NKAIN3: variants seen among roughly 807,000 people sequenced by gnomAD.
The protein encoded by NKAIN3 is sodium/potassium-transporting ATPase subunit beta-1-interacting protein 3.
In NKAIN3, 25 loss-of-function variants were observed where a neutral mutation model predicts 30.2. That is an observed-to-expected ratio of 0.83 (90% CI 0.60 to 1.16). The LOEUF (loss-of-function observed/expected upper bound fraction) is 1.16. Among genes scored for constraint, NKAIN3 ranks in the 50% most tolerant of loss-of-function variants. The pLI is 0.00. For missense variants in NKAIN3, 225 were observed against 254.1 expected (o/e 0.89, Z 0.78); for synonymous variants, 91 against 89.6 (o/e 1.02, Z -0.09).
chr8:62,636,559 A>G (rs1330402700), intron 3 of NKAIN3, among the ~76,000 whole-genome samples: 1 of 152,230 alleles, frequency 6.6e-6, no homozygotes, highest in Non-Finnish European at 1.5e-5. Context: ...TTGAGGTTGA[A>G]AATTCATGCC....
intron 3 of NKAIN3, among the ~76,000 whole-genome samples, chr8:62,725,430 C>G (rs1815223288): frequency 6.6e-6 from 1 of 151,994 alleles, no homozygotes; most frequent in Non-Finnish European, 1.5e-5. Context: ...TAGGGTATTA[C>G]TCAAGAAATC....
At chr8:62,307,984 A>G (rs1402350987) in intron 1 of NKAIN3, among the ~76,000 whole-genome samples, 1 of 150,218 alleles carries the variant, frequency 6.7e-6, no homozygotes, top group East Asian at 1.9e-4. Flanking sequence ...TAGGGCTTAG[A>G]GATGCTGTTT....
chr8:62,466,335 T>A (rs1458271035), intron 1 of NKAIN3, among the ~76,000 whole-genome samples: 1 of 152,178 alleles, frequency 6.6e-6, no homozygotes, highest in Non-Finnish European at 1.5e-5. Flanking sequence ...CCAATTTTTC[T>A]CCAAAATATG....
chr8:62,317,108 C>A (rs1332183098), intron 1 of NKAIN3, among the ~76,000 whole-genome samples: 1 of 152,144 alleles, frequency 6.6e-6, no homozygotes, highest in East Asian at 1.9e-4. Context: ...CCTTCACCCA[C>A]TTTTTGATGG....
At chr8:62,870,448 AT>A (rs1820592160) in intron 4 of NKAIN3, among the ~76,000 whole-genome samples, 1 of 136,808 alleles carries the variant, frequency 7.3e-6, no homozygotes. Context: ...TACATATTAT[AT>A]TGTATATTGT....
In NKAIN3 at chr8:62,675,242, C is replaced by T. The variant is rs534092056; in HGVS notation, c.274-71690C>T. ...TAGAAGTGATTTTTTCCCACCGTAG[C>T]AAGACCTTTATCCTGTGTCAATTCA... is the stretch of plus-strand genomic sequence containing the variant. On this transcript the variant is annotated intron_variant, in intron 3 of 6. Coordinates refer to ENST00000623646, the MANE Select transcript of NKAIN3 (RefSeq NM_001304533.3). 2.0e-5 allele frequency among the ~76,000 whole-genome samples: 3 copies of T among 152,248 alleles called. No homozygotes were observed. The South Asian group carries it at 6.2e-4, about 32-fold the overall frequency.
intron 1 of NKAIN3, among the ~76,000 whole-genome samples, chr8:62,281,580 G>A (rs1356857313): frequency 1.3e-5 from 2 of 152,016 alleles, no homozygotes; most frequent in Non-Finnish European, 1.5e-5. Context: ...TTGTGTCTTT[G>A]TTCTCATTGG....
intron 6 of NKAIN3, among the ~76,000 whole-genome samples, chr8:62,963,319 T>C (rs1043191789): frequency 1.3e-5 from 2 of 152,218 alleles, no homozygotes; most frequent in Non-Finnish European, 2.9e-5. Context: ...ACAGACATGT[T>C]TCCCAGCTCC....
chr8:62,819,920 C>G (rs559874284), intron 4 of NKAIN3, among the ~76,000 whole-genome samples: 2 of 152,060 alleles, frequency 1.3e-5, no homozygotes, highest in African/African-American at 4.8e-5. Context: ...ATGTTTGGAG[C>G]TAAGGATGCT....
intron 3 of NKAIN3, among the ~76,000 whole-genome samples, chr8:62,590,413 T>A (rs1810616144): frequency 6.6e-6 from 1 of 151,872 alleles, no homozygotes. Flanking sequence ...CATGATTTTA[T>A]TATGCCTCCT....
At chr8:62,964,442 C>T (rs1823647167) in intron 6 of NKAIN3, among the ~76,000 whole-genome samples, 1 of 151,504 alleles carries the variant, frequency 6.6e-6, no homozygotes, top group African/African-American at 2.4e-5. Context: ...GAGTCATTGT[C>T]AAAAGTGTGG....
chr8:62,845,380 C>T (rs1255312935), intron 4 of NKAIN3, among the ~76,000 whole-genome samples: 2 of 146,770 alleles, frequency 1.4e-5, no homozygotes, highest in Admixed American at 1.4e-4. Context: ...CTCATCAGTC[C>T]TTCCCCAAAC....
intron 5 of NKAIN3, among the ~76,000 whole-genome samples, chr8:62,935,357 A>T (rs972134997): frequency 1.3e-5 from 2 of 152,290 alleles, no homozygotes; most frequent in Non-Finnish European, 1.5e-5. Flanking sequence ...ATAAGTCAGC[A>T]ACAGCTTGTT....
intron 4 of NKAIN3, among the ~76,000 whole-genome samples, chr8:62,868,430 T>C (rs1820491493): frequency 6.6e-6 from 1 of 152,174 alleles, no homozygotes; most frequent in Non-Finnish European, 1.5e-5. Context: ...GAGGCATTTA[T>C]CTGAATAATT....
chr8:62,892,219 A>G (rs1195985311), intron 4 of NKAIN3, among the ~76,000 whole-genome samples: 1 of 152,238 alleles, frequency 6.6e-6, no homozygotes, highest in African/African-American at 2.4e-5. Context: ...AGAAAAAAAT[A>G]ATAAACAGAA....
At chr8:62,768,057 G>C (rs1241435158) in intron 4 of NKAIN3, among the ~76,000 whole-genome samples, 1 of 152,060 alleles carries the variant, frequency 6.6e-6, no homozygotes, top group Non-Finnish European at 1.5e-5. Flanking sequence ...GCTAGTCCCT[G>C]ACAAAGGGTG....
intron 3 of NKAIN3, among the ~76,000 whole-genome samples, chr8:62,722,386 C>T (rs1001686552): frequency 7.2e-5 from 11 of 152,086 alleles, no homozygotes; most frequent in African/African-American, 2.7e-4. Flanking sequence ...ATGATGCAGC[C>T]ATGAATTTAA....
chr8:62,675,263 A>G (rs920226509), intron 3 of NKAIN3, among the ~76,000 whole-genome samples: 1 of 152,338 alleles, frequency 6.6e-6, no homozygotes, highest in South Asian at 2.1e-4. Context: ...TCCTGTGTCA[A>G]TTCAATTACA....
chr8:62,727,702 A>G (rs1815304029), intron 3 of NKAIN3, among the ~76,000 whole-genome samples: 1 of 152,152 alleles, frequency 6.6e-6, no homozygotes, highest in African/African-American at 2.4e-5. Flanking sequence ...CAAGAAATAA[A>G]TAATGGAGAG....
Sources: allele counts gnomAD v4.1 joint callset (sites outside exome capture counted in the v4.1 genomes callset), GRCh38; gene constraint gnomAD v4.1.1; transcripts MANE v1.5; gene names NCBI Gene and HGNC (gene_info 2026-07-23, HGNC 2026-07-21).